The following PLCE1 variants were observed in gnomAD, a reference collection of about 807,000 sequenced individuals.
PLCE1 encodes the protein 1-phosphatidylinositol 4,5-bisphosphate phosphodiesterase epsilon-1.
A neutral mutation model predicts 242.8 loss-of-function variants in PLCE1; 119 were observed. The observed-to-expected ratio is 0.49, with a 90% confidence interval of 0.42 to 0.57. PLCE1 has a LOEUF of 0.57. PLCE1 is among the 20% of genes least tolerant of loss of function. PLCE1 has a pLI of 0.00. For missense variants in PLCE1, 2,441 were observed against 2,788.8 expected (o/e 0.88, Z 2.81); for synonymous variants, 945 against 1,017.4 (o/e 0.93, Z 1.35).
intron 4 of PLCE1, among the ~76,000 whole-genome samples, chr10:94,218,950 A>T (rs867081448): frequency 2.8e-4 from 41 of 147,522 alleles, no homozygotes; most frequent in African/African-American, 9.5e-4. Flanking sequence ...ATTATTATAT[A>T]ATTAAATATA....
intron 1 of PLCE1, among the ~76,000 whole-genome samples, chr10:94,008,091 C>A (rs1353070794): frequency 6.7e-6 from 1 of 148,668 alleles, no homozygotes; most frequent in Non-Finnish European, 1.5e-5. Flanking sequence ...ACACGAGAGG[C>A]TGAGGTAGGA....
chr10:94,038,939 T>C (rs2061715969), intron 2 of PLCE1, among the ~76,000 whole-genome samples: 1 of 152,206 alleles, frequency 6.6e-6, no homozygotes, highest in African/African-American at 2.4e-5. Flanking sequence ...TTTCTGTCTC[T>C]ATAGATTTCC....
chr10:94,324,353 T>C lies in PLCE1; in HGVS notation c.6506T>C (p.Leu2169Ser), dbSNP rs2053932415. 1 of 1,613,476 alleles carries C rather than the reference T, an allele frequency of 6.2e-7. No homozygotes were observed. The highest frequency in any genetic ancestry group is 8.5e-7 in the Non-Finnish European group (1 of 1,179,398). The change falls in exon 31 of 33, where the codon TTA becomes TCA. Residue 2169 changes from leucine (L) to serine (S), a missense_variant. Coordinates refer to ENST00000371380, the MANE Select transcript of PLCE1 (RefSeq NM_016341.4). ...STAQDVIQQT[L>S]CKAKYSYSIL... ...TGATCATAACTTACCTTTCAGACCT[T>C]ATGCAAAGCCAAATATTCCTACAGC...
intron 1 of PLCE1, among the ~76,000 whole-genome samples, chr10:94,011,738 C>A (rs995939456): frequency 1.3e-5 from 2 of 152,154 alleles, no homozygotes; most frequent in African/African-American, 4.8e-5. Flanking sequence ...GAAAATATAA[C>A]CCCAGGTGAG....
intron 27 of PLCE1, 119 bp downstream of exon 27, chr10:94,308,818 A>G (rs2053289298): frequency 1.4e-5 from 11 of 776,072 alleles, no homozygotes; most frequent in Non-Finnish European, 2.3e-5. Flanking sequence ...ATGGAAATTA[A>G]TAACAATAAT....
chr10:94,194,626 G>T (rs2048764347), intron 4 of PLCE1, among the ~76,000 whole-genome samples: 1 of 152,160 alleles, frequency 6.6e-6, no homozygotes, highest in Non-Finnish European at 1.5e-5. Context: ...CAGATCCAAG[G>T]CTCACCACTT....
At chr10:94,296,318 A>T (rs7907457) in intron 23 of PLCE1, among the ~76,000 whole-genome samples, 41 of 150,560 alleles carry the variant, frequency 2.7e-4, no homozygotes, top group African/African-American at 9.8e-4. Context: ...GTGAGCCAAG[A>T]TCGCACCACT....
rs891476580 is a variant in PLCE1 at position 94,236,135 on chromosome 10, T to C, written c.2420+15T>C. On this transcript the variant is annotated intron_variant, in intron 7 of 32. Coordinates refer to ENST00000371380, the MANE Select transcript of PLCE1 (RefSeq NM_016341.4). ...AGCCGATGGCAGTAAGTTTTACACG[T>C]TAAAAGTGAGGAATGCTCATCTCTT... 4.4e-6 allele frequency: 7 copies of C among 1,605,198 alleles called. No homozygotes were observed. The Admixed American group carries it at 1.0e-4, about 23-fold the overall frequency.
In PLCE1 at chr10:94,315,543, C is replaced by T. The variant is rs549533931; in HGVS notation, c.6133-1004C>T. On this transcript the variant is annotated intron_variant, in intron 28 of 32. Coordinates refer to ENST00000371380, the MANE Select transcript of PLCE1 (RefSeq NM_016341.4). ...CGGCACTTTGGGAGGCCGAGGCGGG[C>T]AGATCACTTGAGGTCAGGAATTTGA... 6.7e-4 allele frequency: 303 copies of T among 454,442 alleles called. 3 individuals are homozygous for T. The highest frequency in any genetic ancestry group is 3.9e-3 in the South Asian group (252 of 64,224). The allele number at this position is 454,442 out of a possible 1,614,324, so 28.2% of individuals were successfully genotyped here. A position where few individuals can be genotyped will look rare whatever the true frequency, so the allele number is the denominator to read the frequency against.
At chr10:94,215,608 C>T (rs915938788) in intron 4 of PLCE1, among the ~76,000 whole-genome samples, 1 of 152,110 alleles carries the variant, frequency 6.6e-6, no homozygotes, top group Non-Finnish European at 1.5e-5. Flanking sequence ...ACAGGATGGG[C>T]TTTGGGTCCT....
At chr10:94,299,087 T>C (rs577456248) in intron 24 of PLCE1, among the ~76,000 whole-genome samples, 1 of 152,344 alleles carries the variant, frequency 6.6e-6, no homozygotes, top group African/African-American at 2.4e-5. Context: ...TAAAACCATG[T>C]TAGCGTCTTA....
rs572763228 is a variant in PLCE1, at chr10:94,172,000, G to A, written c.1809+504G>A. Among the ~76,000 whole-genome samples the A allele has an allele frequency of 4.6e-5, 7 of 152,220 alleles. No individual in the cohort carries two copies. In the East Asian group the frequency reaches 5.8e-4, roughly 13 times the overall value. On this transcript the variant is annotated intron_variant, in intron 4 of 32. Coordinates refer to ENST00000371380, the MANE Select transcript of PLCE1 (RefSeq NM_016341.4). ...TCATTGAGGGGCAGTGAATCACCTC[G>A]GTTCTCTCTCTGCATCCCCTGAAGA...
intron 2 of PLCE1, among the ~76,000 whole-genome samples, chr10:94,090,991 A>G (rs952009857): frequency 6.6e-6 from 1 of 152,234 alleles, no homozygotes; most frequent in Non-Finnish European, 1.5e-5. Context: ...AGAGGAATCT[A>G]GACAAGCTAT....
intron 7 of PLCE1, among the ~76,000 whole-genome samples, chr10:94,241,094 T>G (rs2050489490): frequency 6.6e-6 from 1 of 152,212 alleles, no homozygotes; most frequent in Non-Finnish European, 1.5e-5. Context: ...ATTTTGAGCA[T>G]TAGTCCCTGG....
chr10:94,130,924 C>T (rs187889415), intron 2 of PLCE1, among the ~76,000 whole-genome samples: 140 of 152,270 alleles, frequency 9.2e-4, no homozygotes, highest in African/African-American at 3.1e-3. Context: ...CCTGGCCATT[C>T]GTCAGTGTCA....
chr10:94,246,205 G>C lies in PLCE1; in HGVS notation c.2680G>C (p.Val894Leu). 1 of 1,614,070 alleles carries C rather than the reference G, an allele frequency of 6.2e-7. No homozygotes were observed. The highest frequency in any genetic ancestry group is 8.5e-7 in the Non-Finnish European group (1 of 1,180,000). ...GCCCGACAATAGCACCTTGACCTGG[G>C]TAAAGCCCACAACTGCCTCCCCAGC... ...LQPDNSTLTW[V>L]KPTTASPASS... The change falls in exon 8 of 33, where the codon GTA becomes CTA. Residue 894 changes from valine (V) to leucine (L), a missense_variant. Transcript: ENST00000371380.
intron 3 of PLCE1, among the ~76,000 whole-genome samples, chr10:94,145,033 C>T (rs1289640954): frequency 1.3e-5 from 2 of 152,180 alleles, no homozygotes; most frequent in Admixed American, 6.5e-5. Context: ...GAAGTAGTGA[C>T]ACAATAAGAC....
At chr10:94,134,196 G>T (rs2046696033) in intron 3 of PLCE1, among the ~76,000 whole-genome samples, 1 of 151,550 alleles carries the variant, frequency 6.6e-6, no homozygotes, top group Admixed American at 6.6e-5. Context: ...TGCCTCCCAA[G>T]TTCAAGTTTC....
chr10:94,191,143 A>G (rs181215931), intron 4 of PLCE1, among the ~76,000 whole-genome samples: 3 of 152,334 alleles, frequency 2.0e-5, no homozygotes, highest in African/African-American at 7.2e-5. Context: ...TGATTATCAT[A>G]TTACCCTGAG....
Sources: allele counts gnomAD v4.1 joint callset (sites outside exome capture counted in the v4.1 genomes callset), GRCh38; gene constraint gnomAD v4.1.1; transcripts MANE v1.5; gene names NCBI Gene and HGNC (gene_info 2026-07-23, HGNC 2026-07-21).